The following PTPRT variants were observed in gnomAD, a reference collection of about 807,000 sequenced individuals.
PTPRT encodes protein tyrosine phosphatase receptor type T, also known as receptor-type tyrosine-protein phosphatase T.
In PTPRT, 56 loss-of-function variants were observed where a neutral mutation model predicts 176.8. The observed-to-expected ratio is 0.32, with a 90% CI of 0.26 to 0.40. The LOEUF is 0.40. Among genes scored for constraint, PTPRT ranks in the 10% least tolerant of loss-of-function variants. PTPRT has a pLI of 1.00. For missense variants in PTPRT, 1,540 were observed against 1,908.2 expected (o/e 0.81, Z 3.60); for synonymous variants, 783 against 739.0 (o/e 1.06, Z -0.96).
intron 7 of PTPRT, among the ~76,000 whole-genome samples, chr20:42,661,217 C>A (rs573989774): frequency 5.9e-5 from 9 of 152,110 alleles, no homozygotes; most frequent in African/African-American, 2.2e-4. Context: ...AGGTCCTTTG[C>A]GAAGTGACTT....
chr20:42,860,625 T>A (rs2078644805), intron 2 of PTPRT, among the ~76,000 whole-genome samples: 1 of 152,194 alleles, frequency 6.6e-6, no homozygotes, highest in African/African-American at 2.4e-5. Flanking sequence ...GCTTTTATAT[T>A]TGTTGCTTTT....
At chr20:42,716,023 T>C (rs2076217575) in intron 6 of PTPRT, among the ~76,000 whole-genome samples, 3 of 152,288 alleles carry the variant, frequency 2.0e-5, no homozygotes, top group South Asian at 4.1e-4. Flanking sequence ...GTTTAAAAAG[T>C]ACTTGTGCAG....
At chr20:42,616,729 GCTCT>G (rs1208071318) in intron 7 of PTPRT, among the ~76,000 whole-genome samples, 1 of 118,538 alleles carries the variant, frequency 8.4e-6, no homozygotes, top group Admixed American at 8.1e-5. Context: ...TCATGATTTG[GCTCT>G]CTGTTTGTCT....
intron 1 of PTPRT, among the ~76,000 whole-genome samples, chr20:43,073,697 C>G (rs2011214076): frequency 6.6e-6 from 1 of 151,804 alleles, no homozygotes; most frequent in African/African-American, 2.4e-5. Flanking sequence ...AAAGGTGTCT[C>G]CTTGGAAATC....
At chr20:42,465,359 G>A (rs187316925) in intron 8 of PTPRT, among the ~76,000 whole-genome samples, 5 of 152,210 alleles carry the variant, frequency 3.3e-5, no homozygotes, top group Non-Finnish European at 1.5e-5. Flanking sequence ...TATGCACAAT[G>A]CTATTTGCTA....
At chr20:42,084,571 T>C (rs1470785427) in intron 29 of PTPRT, 111 bp downstream of exon 29, 17 of 959,322 alleles carry the variant, frequency 1.8e-5, no homozygotes, top group Non-Finnish European at 2.1e-5. Flanking sequence ...GGATGTTGAG[T>C]TGTGGTATAG....
chr20:42,209,689 T>C (rs569609764), intron 15 of PTPRT, among the ~76,000 whole-genome samples: 3 of 152,230 alleles, frequency 2.0e-5, no homozygotes, highest in Middle Eastern at 3.4e-3. Context: ...CAGGACCAGA[T>C]AGATTCACAG....
At chr20:42,767,899 CAT>C (rs1328581566) in intron 5 of PTPRT, among the ~76,000 whole-genome samples, 4 of 141,828 alleles carry the variant, frequency 2.8e-5, no homozygotes, top group African/African-American at 7.8e-5. Flanking sequence ...CTTAGGATAA[CAT>C]ATAATTACAT....
chr20:42,694,253 T>G (rs1422473649), intron 6 of PTPRT, among the ~76,000 whole-genome samples: 3 of 152,176 alleles, frequency 2.0e-5, no homozygotes, highest in African/African-American at 7.2e-5. Context: ...TTAGCCAGGA[T>G]GGTCTCGATC....
At chr20:43,032,266 T>G (rs1986168357) in intron 1 of PTPRT, among the ~76,000 whole-genome samples, 1 of 152,082 alleles carries the variant, frequency 6.6e-6, no homozygotes, top group South Asian at 2.1e-4. Context: ...CTGTCTACAT[T>G]TCAAGTGCTC....
intron 16 of PTPRT, among the ~76,000 whole-genome samples, chr20:42,191,648 G>A (rs1476802433): frequency 2.0e-5 from 3 of 152,326 alleles, no homozygotes; most frequent in East Asian, 1.9e-4. Flanking sequence ...AAATAGCTGG[G>A]GAGGGTGTGG....
chr20:43,063,204 G>A (rs551317049), intron 1 of PTPRT: 3 of 152,320 alleles, frequency 2.0e-5, no homozygotes, highest in African/African-American at 7.2e-5. Flanking sequence ...AAGGGACTAG[G>A]TAGAAGTGGC....
At chr20:43,119,354 A>G (rs975777550) in intron 1 of PTPRT, among the ~76,000 whole-genome samples, 10 of 152,292 alleles carry the variant, frequency 6.6e-5, no homozygotes, top group African/African-American at 9.6e-5. Context: ...CTATAATCTG[A>G]TAAGTATGTC....
intron 5 of PTPRT, among the ~76,000 whole-genome samples, chr20:42,762,641 G>A (rs1203001154): frequency 6.6e-6 from 1 of 152,208 alleles, no homozygotes. Context: ...CCCTTGGAGG[G>A]AGGTCACTTT....
intron 6 of PTPRT, among the ~76,000 whole-genome samples, chr20:42,726,882 G>A (rs1354624655): frequency 6.6e-6 from 1 of 152,174 alleles, no homozygotes; most frequent in African/African-American, 2.4e-5. Context: ...GAGAGGCAGT[G>A]GGAGAATAGA....
At chr20:42,057,378 G>A in the PTPRT span, among the ~76,000 whole-genome samples, 1 of 152,110 alleles carries the variant, frequency 6.6e-6, no homozygotes, top group African/African-American at 2.4e-5. Flanking sequence ...TGGATCACAG[G>A]GTTTGAAGGG....
chr20:42,432,583 C>T (rs2059224846), intron 9 of PTPRT, among the ~76,000 whole-genome samples: 1 of 152,170 alleles, frequency 6.6e-6, no homozygotes. Flanking sequence ...AAAACAGACT[C>T]TTTGTGGCAA....
In PTPRT at chr20:42,452,267, C is replaced by CAAA. The variant is rs200511615; in HGVS notation, c.1451-3941_1451-3939dup. 3.6e-3 allele frequency among the ~76,000 whole-genome samples: 431 copies of CAAA among 118,108 alleles called. 4 individuals are homozygous for CAAA. Among genetic ancestry groups the CAAA allele is most frequent in the African/African-American group, 9.1e-3 (289 of 31,852 alleles). 77.5% of individuals were successfully genotyped at this position (118,108 alleles called of 152,430 possible). A position where few individuals can be genotyped will look rare whatever the true frequency, so the allele number is the denominator to read the frequency against. On this transcript the variant is annotated intron_variant, in intron 8 of 30. Coordinates refer to ENST00000373187, the MANE Select transcript of PTPRT (RefSeq NM_007050.6). ...CTAGTGACAGACTGAGACTCCATCT[C>CAAA]AAAAAAAAAAAAAATTCAGAATAGA...
At chr20:42,452,941 A>T (rs1360520925) in intron 8 of PTPRT, among the ~76,000 whole-genome samples, 7 of 152,206 alleles carry the variant, frequency 4.6e-5, no homozygotes, top group African/African-American at 1.4e-4. Context: ...ACCAGTCAAA[A>T]CTTGCCCCAG....
Sources: allele counts gnomAD v4.1 joint callset (sites outside exome capture counted in the v4.1 genomes callset), GRCh38; gene constraint gnomAD v4.1.1; transcripts MANE v1.5; gene names NCBI Gene and HGNC (gene_info 2026-07-23, HGNC 2026-07-21).